DNAH5: variants seen among roughly 807,000 people sequenced by gnomAD.
DNAH5 encodes the protein axonemal beta dynein heavy chain 5.
DNAH5 carries 372 observed loss-of-function variants against 518.2 expected under a neutral mutation model. The observed-to-expected ratio is 0.72, with a 90% CI of 0.66 to 0.78. The LOEUF is 0.78. DNAH5 is among the 30% of genes least tolerant of loss of function. The pLI is 0.00. For missense variants in DNAH5, 5,523 were observed against 5,687.0 expected, an observed-to-expected ratio of 0.97 and a Z score of 0.93; for synonymous variants, 2,039 against 2,025.9, an observed-to-expected ratio of 1.01 and a Z score of -0.17.
chr5:13,843,243 C>T (rs1249108382), intron 32 of DNAH5, among the ~76,000 whole-genome samples: 5 of 152,168 alleles, frequency 3.3e-5, no homozygotes, highest in Non-Finnish European at 7.3e-5. Context: ...ACATTGATTT[C>T]CTTGCCCCCT....
chr5:13,880,970 T>C (rs1386974138), intron 21 of DNAH5, among the ~76,000 whole-genome samples: 1 of 151,742 alleles, frequency 6.6e-6, no homozygotes, highest in African/African-American at 2.4e-5. Flanking sequence ...CACTCACAGA[T>C]TGAAAGTGAA....
intron 42 of DNAH5, among the ~76,000 whole-genome samples, chr5:13,815,897 C>A (rs146312128): frequency 2.6e-4 from 39 of 152,238 alleles, no homozygotes; most frequent in African/African-American, 7.7e-4. Context: ...GGGTAAGTTT[C>A]TTCTAGATAA....
intron 31 of DNAH5, among the ~76,000 whole-genome samples, chr5:13,848,241 G>T (rs562219215): frequency 1.3e-5 from 2 of 152,176 alleles, no homozygotes; most frequent in Non-Finnish European, 2.9e-5. Flanking sequence ...CTTTATGTTA[G>T]AAGAATTACT....
chr5:13,912,292 A>C (rs1486608046), intron 11 of DNAH5, among the ~76,000 whole-genome samples: 2 of 152,018 alleles, frequency 1.3e-5, no homozygotes, highest in African/African-American at 4.8e-5. Context: ...TAAACATCAA[A>C]TCTCTCAATA....
intron 1 of DNAH5, among the ~76,000 whole-genome samples, chr5:13,991,517 AGAGGAGGG>A (rs1162445091): frequency 8.0e-6 from 1 of 125,668 alleles, no homozygotes; most frequent in Non-Finnish European, 1.6e-5. Context: ...AGAAGGAGGA[AGAGGAGGG>A]GAGGAGGGGA....
intron 7 of DNAH5, among the ~76,000 whole-genome samples, chr5:13,918,522 C>G (rs1358100549): frequency 2.0e-5 from 3 of 152,100 alleles, no homozygotes; most frequent in Non-Finnish European, 4.4e-5. Flanking sequence ...CAGGCTGGAG[C>G]GCAGTGGCAC....
chr5:13,805,578 A>C (rs2126984335), intron 47 of DNAH5, among the ~76,000 whole-genome samples: 1 of 152,104 alleles, frequency 6.6e-6, no homozygotes, highest in Non-Finnish European at 1.5e-5. Flanking sequence ...CCCAATAAAA[A>C]CCCAGGACAC....
In DNAH5 at chr5:13,959,880, T is replaced by A. The variant is rs542343914; in HGVS notation, c.13-28636A>T. 3.2e-4 allele frequency among the ~76,000 whole-genome samples: 48 copies of A among 152,146 alleles called. 1 individual carries two copies. The East Asian group carries it at 5.0e-3, about 16-fold the overall frequency. ...CACTCGGGAGGCTGAGGCAGGAGAT[T>A]CTCTTGAACCCGGGAGGGTGGAGGT... On this transcript the variant is annotated intron_variant, in intron 1 of 78. Transcript: ENST00000681290.
At chr5:13,897,052 C>T (rs1214555962) in intron 15 of DNAH5, among the ~76,000 whole-genome samples, 1 of 152,092 alleles carries the variant, frequency 6.6e-6, no homozygotes, top group African/African-American at 2.4e-5. Context: ...TGGGTGGTCA[C>T]AGCTAATATT....
At chr5:13,824,369 C>T in intron 38 of DNAH5, 36 bp from the exon 39 acceptor site, 5 of 1,604,414 alleles carry the variant, frequency 3.1e-6, no homozygotes, top group Non-Finnish European at 4.3e-6. Flanking sequence ...TTATTTTCAA[C>T]ATTAAAATAC....
chr5:13,724,033 G>C (rs966440759), intron 70 of DNAH5, among the ~76,000 whole-genome samples: 1 of 152,222 alleles, frequency 6.6e-6, no homozygotes, highest in Admixed American at 6.5e-5. Flanking sequence ...AGCAATCCCA[G>C]GGAAGGCCCC....
chr5:13,825,005 G>A (rs1178946466), intron 38 of DNAH5, among the ~76,000 whole-genome samples: 1 of 152,100 alleles, frequency 6.6e-6, no homozygotes, highest in Non-Finnish European at 1.5e-5. Flanking sequence ...AAAACGGAAC[G>A]ATATGATCCA....
chr5:13,859,375 T>C (rs1019278818), intron 30 of DNAH5, 77 bp downstream of exon 30: 17 of 1,466,120 alleles, frequency 1.2e-5, no homozygotes, highest in Non-Finnish European at 1.6e-5. Flanking sequence ...GGAATATTAT[T>C]GCATTATTTA....
chr5:13,999,642 C>T (rs1784211801), intron 1 of DNAH5, among the ~76,000 whole-genome samples: 1 of 152,200 alleles, frequency 6.6e-6, no homozygotes, highest in Non-Finnish European at 1.5e-5. Flanking sequence ...AATACTGCTG[C>T]AATAAACACG....
At chr5:13,763,311 T>C (rs1050240134) in intron 59 of DNAH5, among the ~76,000 whole-genome samples, 1 of 152,226 alleles carries the variant, frequency 6.6e-6, no homozygotes, top group African/African-American at 2.4e-5. Context: ...GTATTCAGTC[T>C]GAGGATATAC....
chr5:13,761,423 C>T (rs1328201806), intron 60 of DNAH5, among the ~76,000 whole-genome samples: 1 of 152,074 alleles, frequency 6.6e-6, no homozygotes, highest in African/African-American at 2.4e-5. Flanking sequence ...GAAACCCCAT[C>T]TCTACTAAAA....
At chr5:13,994,760 G>C (rs1783814007) in intron 1 of DNAH5, among the ~76,000 whole-genome samples, 1 of 152,170 alleles carries the variant, frequency 6.6e-6, no homozygotes, top group South Asian at 2.1e-4. Context: ...TTGGCTCTGA[G>C]CACAGATGCT....
intron 41 of DNAH5, among the ~76,000 whole-genome samples, chr5:13,820,016 T>C (rs542533973): frequency 4.9e-4 from 75 of 152,306 alleles, no homozygotes; most frequent in African/African-American, 1.7e-3. Context: ...ACCATCTTTG[T>C]GACCGTGGGC....
intron 1 of DNAH5, among the ~76,000 whole-genome samples, chr5:13,961,263 A>T (rs1028886843): frequency 6.6e-6 from 1 of 152,234 alleles, no homozygotes; most frequent in South Asian, 2.1e-4. Context: ...AGAGTGAGAA[A>T]GGCAAAGTAC....
Sources: gnomAD v4.1 joint callset for allele counts (sites outside exome capture counted in the v4.1 genomes callset) on GRCh38, gnomAD v4.1.1 for gene constraint, MANE v1.5 for transcripts, NCBI Gene and HGNC (gene_info 2026-07-23, HGNC 2026-07-21) for gene names.